Variants in VEGFC observed in about 807,000 individuals in gnomAD.
The protein encoded by VEGFC is vascular endothelial growth factor C, also known as FLT4 ligand DHM.
In VEGFC, 12 loss-of-function variants were observed where a neutral mutation model predicts 46.1. That is an observed-to-expected ratio of 0.26 (90% CI 0.17 to 0.42). VEGFC has a LOEUF of 0.42. VEGFC is among the 10% of genes least tolerant of loss of function. The probability of loss-of-function intolerance (pLI) is 1.00; values close to 1 mark genes in which losing one functional copy is unlikely to be tolerated. For synonymous variants in VEGFC, 232 were observed against 195.5 expected, an observed-to-expected ratio of 1.19 and a Z score of -1.56; for missense variants, 488 against 529.4, an observed-to-expected ratio of 0.92 and a Z score of 0.77.
At chr4:176,719,734 G>A (rs1734752080) in intron 3 of VEGFC, among the ~76,000 whole-genome samples, 1 of 152,132 alleles carries the variant, frequency 6.6e-6, no homozygotes, top group African/African-American at 2.4e-5. Flanking sequence ...CACATAATGG[G>A]TGTACCACAT....
chr4:176,705,663 AAT>A (rs1250518732), intron 4 of VEGFC, among the ~76,000 whole-genome samples: 1 of 152,192 alleles, frequency 6.6e-6, no homozygotes, highest in Non-Finnish European at 1.5e-5. Context: ...TTGAATGCTT[AAT>A]ATGTTTTAGG....
chr4:176,758,294 A>T (rs1380920759), intron 1 of VEGFC, among the ~76,000 whole-genome samples: 1 of 152,118 alleles, frequency 6.6e-6, no homozygotes, highest in Non-Finnish European at 1.5e-5. Context: ...TAATTGCCTC[A>T]GTTTTTCTTA....
chr4:176,685,184 G>A (rs1341725680), intron 6 of VEGFC, among the ~76,000 whole-genome samples: 2 of 152,144 alleles, frequency 1.3e-5, no homozygotes, highest in Non-Finnish European at 2.9e-5. Context: ...CATTTATTTG[G>A]CTCTAGAAAA....
intron 1 of VEGFC, among the ~76,000 whole-genome samples, chr4:176,738,127 C>T (rs1735086954): frequency 6.6e-6 from 1 of 151,920 alleles, no homozygotes; most frequent in Non-Finnish European, 1.5e-5. Flanking sequence ...GCCATACTGC[C>T]CAAAGTAATT....
chr4:176,790,406 A>T (rs1365279918), intron 1 of VEGFC, among the ~76,000 whole-genome samples: 1 of 152,246 alleles, frequency 6.6e-6, no homozygotes, highest in African/African-American at 2.4e-5. Context: ...TGATTTTCAC[A>T]GCAATGGTAA....
intron 1 of VEGFC, among the ~76,000 whole-genome samples, chr4:176,791,096 A>T (rs146500471): frequency 1.3e-5 from 2 of 152,230 alleles, no homozygotes; most frequent in African/African-American, 4.8e-5. Context: ...AAAATATTTC[A>T]AAATATAAGG....
chr4:176,753,632 T>C (rs1031453312), intron 1 of VEGFC, among the ~76,000 whole-genome samples: 1 of 152,130 alleles, frequency 6.6e-6, no homozygotes, highest in East Asian at 1.9e-4. Flanking sequence ...AATAGTCCAC[T>C]AAAGTGCTTT....
chr4:176,792,206 G>A lies in VEGFC; in HGVS notation c.106C>T (p.Leu36Phe). ...PAAAAAFESGLDLSDAEPDAG... is the reference protein window; with the variant it reads ...PAAAAAFESGFDLSDAEPDAG... Reference sequence around the variant, plus strand: ...TCGGGCTCCGCGTCCGAGAGGTCGAGTCCGGACTCGAAGGCGGCGGCGGCG... The same window carrying A: ...TCGGGCTCCGCGTCCGAGAGGTCGAATCCGGACTCGAAGGCGGCGGCGGCG... The change falls in exon 1 of 7, where the codon CTC becomes TTC. Residue 36 changes from leucine (L) to phenylalanine (F), a missense_variant. Transcript: ENST00000618562. This position sits in a 1 kb window ranked among gnomAD's most constrained non-coding sequence, Gnocchi z 6.3. 6.4e-7 allele frequency: 1 copy of A among 1,558,826 alleles called. No individual in the cohort carries two copies. Among genetic ancestry groups the A allele is most frequent in the Non-Finnish European group, 8.7e-7 (1 of 1,155,614 alleles).
chr4:176,717,965 T>G (rs1470806995), intron 3 of VEGFC, among the ~76,000 whole-genome samples: 1 of 152,136 alleles, frequency 6.6e-6, no homozygotes, highest in Non-Finnish European at 1.5e-5. Flanking sequence ...TTAAATCTGG[T>G]ACTGAATTAA....
chr4:176,792,332 G>A lies in VEGFC; in HGVS notation c.-21C>T. The A allele has an allele frequency of 6.8e-7, 1 of 1,469,018 alleles. No individual in the cohort carries two copies. Among genetic ancestry groups the A allele is most frequent in the Non-Finnish European group, 9.0e-7 (1 of 1,113,246 alleles). The allele number at this position is 1,469,018 out of a possible 1,614,324, so 91.0% of individuals were successfully genotyped here. A position where few individuals can be genotyped will look rare whatever the true frequency, so the allele number is the denominator to read the frequency against. On this transcript the variant is annotated 5_prime_UTR_variant, in exon 1 of 7. Coordinates refer to ENST00000618562, the MANE Select transcript of VEGFC (RefSeq NM_005429.5). The surrounding 1 kb of genome is among the most constrained non-coding windows in gnomAD (Gnocchi z 6.3). ...TGCATGGTGGAAGGACCGGGGGTGGGGGACCGGTCCGCTGGCGGGGGCAGG... is the reference window on the plus strand; with the variant it reads ...TGCATGGTGGAAGGACCGGGGGTGGAGGACCGGTCCGCTGGCGGGGGCAGG...
intron 5 of VEGFC, 137 bp from the exon 6 acceptor site, chr4:176,687,657 A>G: frequency 9.7e-7 from 1 of 1,028,564 alleles, no homozygotes; most frequent in East Asian, 2.6e-5. Context: ...ATGTTCCTTT[A>G]TAAAGGAGTT....
At chr4:176,788,813 CT>C (rs995679463) in intron 1 of VEGFC, among the ~76,000 whole-genome samples, 3 of 151,950 alleles carry the variant, frequency 2.0e-5, no homozygotes, top group Admixed American at 6.6e-5. Flanking sequence ...TGCCATAAAA[CT>C]TTTTTTAAAA....
intron 1 of VEGFC, among the ~76,000 whole-genome samples, chr4:176,748,566 G>T (rs1229550995): frequency 6.6e-6 from 1 of 151,970 alleles, no homozygotes; most frequent in Non-Finnish European, 1.5e-5. Flanking sequence ...AAGGGAGGAA[G>T]ATTGCTTAAT....
chr4:176,699,821 G>A (rs941664988), intron 4 of VEGFC, among the ~76,000 whole-genome samples: 1 of 152,146 alleles, frequency 6.6e-6, no homozygotes, highest in Admixed American at 6.5e-5. Flanking sequence ...TATATTTTAG[G>A]TTTTATATAA....
intron 3 of VEGFC, among the ~76,000 whole-genome samples, chr4:176,726,286 C>A (rs1052854006): frequency 6.6e-6 from 1 of 152,092 alleles, no homozygotes; most frequent in Non-Finnish European, 1.5e-5. Context: ...CTTGAGAACA[C>A]ATGTTGGAAC....
intron 4 of VEGFC, among the ~76,000 whole-genome samples, chr4:176,702,094 G>A (rs151309432): frequency 1.4e-4 from 21 of 152,126 alleles, no homozygotes; most frequent in African/African-American, 4.3e-4. Flanking sequence ...CCAAAAACAC[G>A]GAGACCTCAA....
At chr4:176,776,856 T>C (rs940693622) in intron 1 of VEGFC, among the ~76,000 whole-genome samples, 2 of 152,256 alleles carry the variant, frequency 1.3e-5, no homozygotes, top group Non-Finnish European at 2.9e-5. Flanking sequence ...TTAGACATGC[T>C]AAAAGTTTTA....
intron 1 of VEGFC, among the ~76,000 whole-genome samples, chr4:176,749,248 A>G (rs139378677): frequency 6.6e-6 from 1 of 152,050 alleles, no homozygotes; most frequent in African/African-American, 2.4e-5. Context: ...TCCACTGACA[A>G]TTAAAAGCTT....
At chr4:176,769,433 A>C (rs79617919) in intron 1 of VEGFC, among the ~76,000 whole-genome samples, 7,535 of 152,236 alleles carry the variant, frequency 0.049, 362 homozygotes, top group African/African-American at 0.1. Context: ...AGAACAGAGA[A>C]GTTCTAATAA....
Sources: gnomAD v4.1 joint callset for allele counts (sites outside exome capture counted in the v4.1 genomes callset) on GRCh38, gnomAD v4.1.1 for gene constraint, Gnocchi (gnomAD v3.1) non-coding constraint, MANE v1.5 for transcripts, NCBI Gene and HGNC (gene_info 2026-07-23, HGNC 2026-07-21) for gene names.